The following OTUD4 variants were observed in gnomAD, a reference collection of about 807,000 sequenced individuals.
OTUD4 encodes the protein OTU domain-containing protein 4.
Under a neutral mutation model 130.4 loss-of-function variants are expected in OTUD4, and 24 were observed. That is an observed-to-expected ratio of 0.18 (90% CI 0.13 to 0.26). The LOEUF (loss-of-function observed/expected upper bound fraction) is 0.26. Among genes scored for constraint, OTUD4 ranks in the 10% least tolerant of loss-of-function variants. The pLI is 1.00. For synonymous variants in OTUD4, 420 were observed against 472.5 expected (o/e 0.89, Z 1.44); for missense variants, 1,031 against 1,329.4 (o/e 0.78, Z 3.49).
chr4:145,173,318 C>A (rs961877954), intron 2 of OTUD4, among the ~76,000 whole-genome samples: 6 of 151,932 alleles, frequency 3.9e-5, no homozygotes, highest in African/African-American at 1.5e-4. Context: ...GGCATGAACC[C>A]GGGAGGCGGA....
Position 145,134,704 on chromosome 4 carries a change from TG to T in OTUD4, c.*2725del, listed in dbSNP as rs1750153479. ...GTAAACAGTATGAGGACTACACAGA[TG>T]CCAGCATCCTGCTGCCAAGGAGACA... On this transcript the variant is annotated 3_prime_UTR_variant, in exon 21 of 21. Transcript: ENST00000447906. 2.5e-6 allele frequency: 1 copy of T among 398,826 alleles called. No homozygotes were observed. Among genetic ancestry groups the T allele is most frequent in the Non-Finnish European group, 4.4e-6 (1 of 226,000 alleles). The allele number at this position is 398,826 out of a possible 1,614,324, so 24.7% of individuals were successfully genotyped here.
chr4:145,158,143 A>C (rs932207250), intron 7 of OTUD4, among the ~76,000 whole-genome samples: 1 of 152,240 alleles, frequency 6.6e-6, no homozygotes, highest in African/African-American at 2.4e-5. Flanking sequence ...CCAAATTTTC[A>C]ATCAGGATCA....
rs577390722 is a variant in OTUD4, at chr4:145,146,493, A to G, written c.1260-64T>C. On this transcript the variant is annotated intron_variant, in intron 13 of 20. Coordinates refer to ENST00000447906, the MANE Select transcript of OTUD4 (RefSeq NM_001366057.1). ...AAATAAATAAATAAATAAATAAAAC[A>G]TTCTTGTCAAAAAAAAAAAACACAA... 6 of 966,122 alleles carry G rather than the reference A, an allele frequency of 6.2e-6. No individual in the cohort carries two copies. In the Admixed American group the frequency reaches 1.9e-4, roughly 30 times the overall value. The allele number at this position is 966,122 out of a possible 1,614,324, so 59.8% of individuals were successfully genotyped here.
intron 15 of OTUD4, 88 bp from the exon 16 acceptor site, chr4:145,144,089 A>G (rs1750710403): frequency 3.4e-6 from 4 of 1,184,954 alleles, no homozygotes; most frequent in Non-Finnish European, 4.9e-6. Flanking sequence ...AGAAGAAGCC[A>G]AAAGTATTAT....
chr4:145,180,263 A>C lies in OTUD4; in HGVS notation c.-290T>G, dbSNP rs1430131100. The C allele has an allele frequency of 1.3e-5, 2 of 154,948 alleles. No individual in the cohort carries two copies. The highest frequency in any genetic ancestry group is 2.9e-5 in the Non-Finnish European group (2 of 70,016). 9.6% of individuals were successfully genotyped at this position (154,948 alleles called of 1,614,324 possible). Reference sequence around the variant, plus strand: ...AGGAAAACCCCGAGAGTGAGTAGTCACTTCCCGACGGCCTCGCTGCCTGAC... The same window carrying C: ...AGGAAAACCCCGAGAGTGAGTAGTCCCTTCCCGACGGCCTCGCTGCCTGAC... On this transcript the variant is annotated 5_prime_UTR_variant, in exon 1 of 21. Coordinates refer to ENST00000447906, the MANE Select transcript of OTUD4 (RefSeq NM_001366057.1).
In OTUD4 at chr4:145,133,817, AAG is replaced by A. The variant is rs1750114834; in HGVS notation, c.*3611_*3612del. The A allele has an allele frequency of 6.6e-6, 1 of 152,618 alleles. No homozygotes were observed. The highest frequency in any genetic ancestry group is 2.4e-5 in the African/African-American group (1 of 41,452). 9.5% of individuals were successfully genotyped at this position (152,618 alleles called of 1,614,324 possible). ...CAGGAATATATTCAACACTTACAAA[AAG>A]TGATATGATAAAGAATATAAAGTAC... On this transcript the variant is annotated 3_prime_UTR_variant, in exon 21 of 21. Transcript: ENST00000447906.
In OTUD4 at chr4:145,179,818, CT is replaced by C. The variant is rs1752607398; in HGVS notation, c.155del (p.Glu52GlyfsTer32). On this transcript the variant is annotated frameshift_variant, in exon 1 of 21. Transcript: ENST00000447906. LOFTEE classifies it high-confidence loss of function. ...CTCCCCGCCCCCCCGCAATTACCTG[CT>C]CCGCCACGGCCCGGAACAGGCACGA... ...DGSCLFRAVA[E>X]QVLHSQSRHV... 7.4e-7 allele frequency: 1 copy of C among 1,345,574 alleles called. No individual in the cohort carries two copies. Among genetic ancestry groups the C allele is most frequent in the African/African-American group, 1.5e-5 (1 of 65,794 alleles). The allele number at this position is 1,345,574 out of a possible 1,614,324, so 83.4% of individuals were successfully genotyped here. A position where few individuals can be genotyped will look rare whatever the true frequency, so the allele number is the denominator to read the frequency against.
intron 15 of OTUD4, 102 bp from the exon 16 acceptor site, chr4:145,144,103 A>T: frequency 1.8e-6 from 2 of 1,118,648 alleles, no homozygotes; most frequent in Non-Finnish European, 2.7e-6. Context: ...GTATTATTTG[A>T]ACCATGTTTA....
At chr4:145,179,521 CA>C (rs1752586278) in intron 1 of OTUD4, 5 of 901,112 alleles carry the variant, frequency 5.5e-6, no homozygotes, top group Non-Finnish European at 5.7e-6. Flanking sequence ...AGGTCCCCAG[CA>C]ATAAATCAAC....
In OTUD4 at chr4:145,141,367, G is replaced by A. The variant is rs748368219; in HGVS notation, c.2083+12C>T. 6.4e-7 allele frequency: 1 copy of A among 1,566,536 alleles called. No homozygotes were observed. The highest frequency in any genetic ancestry group is 1.9e-5 in the Admixed American group (1 of 52,056). ...TTGATAAAGTCGATTTGAACTTGGA[G>A]AAGGAGCTCACCTTTAGGTAGGTCC... On this transcript the variant is annotated intron_variant, in intron 19 of 20. Transcript: ENST00000447906.
Position 145,144,365 on chromosome 4 carries a change from C to G in OTUD4, c.1492G>C (p.Gly498Arg). The G allele has an allele frequency of 6.2e-7, 1 of 1,612,146 alleles. No individual in the cohort carries two copies. The highest frequency in any genetic ancestry group is 8.5e-7 in the Non-Finnish European group (1 of 1,178,684). The part of the protein sequence containing the change: ...PCVQRKSSHV[G>R]DRKGSRRRMD... ...CTCCGCCTGCTTCCTTTTCTATCAC[C>G]TACATGTGATGATTTTCTCTGGACA... Residue 498 changes from glycine (G) to arginine (R), a missense_variant, in exon 15 of 21, where the codon GGT becomes CGT. This residue lies in a region of OTUD4 where 900 missense variants were observed against 1,095.9 expected (regional missense o/e 0.82). Coordinates refer to ENST00000447906, the MANE Select transcript of OTUD4 (RefSeq NM_001366057.1).
chr4:145,162,152 T>C (rs879454161), intron 6 of OTUD4, among the ~76,000 whole-genome samples: 1 of 152,104 alleles, frequency 6.6e-6, no homozygotes, highest in Non-Finnish European at 1.5e-5. Context: ...TTCCTCCTAC[T>C]GCAACAAGTT....
chr4:145,179,916 C>G lies in OTUD4; in HGVS notation c.58G>C (p.Glu20Gln), dbSNP rs748844227. The G allele has an allele frequency of 2.8e-5, 43 of 1,527,636 alleles. No individual in the cohort carries two copies. The South Asian group carries it at 4.2e-4, about 15-fold the overall frequency. 94.6% of individuals were successfully genotyped at this position (1,527,636 alleles called of 1,614,324 possible). A position where few individuals can be genotyped will look rare whatever the true frequency, so the allele number is the denominator to read the frequency against. The part of the protein sequence containing the change: ...GGDQGGAGPR[E>Q]DATPMDAYLR... ...TAGGCGTCCATGGGCGTCGCGTCCT[C>G]GCGGGGCCCCGCGCCGCCCTGGTCC... Residue 20 changes from glutamate (E) to glutamine (Q), a missense_variant, in exon 1 of 21, where the codon GAG becomes CAG. By Grantham distance (29) the Glu-to-Gln change is conservative. Coordinates refer to ENST00000447906, the MANE Select transcript of OTUD4 (RefSeq NM_001366057.1).
At chr4:145,161,870 T>C (rs1280903948) in intron 6 of OTUD4, among the ~76,000 whole-genome samples, 3 of 152,216 alleles carry the variant, frequency 2.0e-5, no homozygotes, top group African/African-American at 7.2e-5. Context: ...TTAAAATGCA[T>C]ATAAATCTTT....
At chr4:145,168,488 C>A (rs1270997311) in intron 3 of OTUD4, among the ~76,000 whole-genome samples, 1 of 145,430 alleles carries the variant, frequency 6.9e-6, no homozygotes. Flanking sequence ...ATATCCAATA[C>A]AGGACTTATA....
At chr4:145,170,018 C>T (rs1348452890) in intron 3 of OTUD4, among the ~76,000 whole-genome samples, 1 of 152,158 alleles carries the variant, frequency 6.6e-6, no homozygotes, top group African/African-American at 2.4e-5. Context: ...GAGAGGGGTA[C>T]AGGGAAAGTG....
intron 6 of OTUD4, among the ~76,000 whole-genome samples, chr4:145,160,762 G>A (rs1751520855): frequency 6.6e-6 from 1 of 152,150 alleles, no homozygotes. Flanking sequence ...GCAGTGAACT[G>A]AGATCATGCC....
Position 145,180,570 on chromosome 4 carries a change from C to T in OTUD4, c.-597G>A, listed in dbSNP as rs1752647493. 6.6e-6 allele frequency among the ~76,000 whole-genome samples: 1 copy of T among 152,208 alleles called. No individual in the cohort carries two copies. On this transcript the variant is annotated 5_prime_UTR_variant, in exon 1 of 21. Coordinates refer to ENST00000447906, the MANE Select transcript of OTUD4 (RefSeq NM_001366057.1). The stretch of plus-strand genomic sequence containing the variant: ...CCCAGAATTTGTTTTCGCTTTCGGC[C>T]CGACAGCGGAGAGGACGGCGGGAGA...
chr4:145,146,511 A>T, intron 13 of OTUD4, 82 bp from the exon 14 acceptor site: 1 of 915,716 alleles, frequency 1.1e-6, no homozygotes, highest in Non-Finnish European at 1.5e-6. Context: ...CAAAAAAAAA[A>T]AACACAAAAC....
Sources: allele counts gnomAD v4.1 joint callset (sites outside exome capture counted in the v4.1 genomes callset), GRCh38; gene constraint gnomAD v4.1.1; regional missense constraint gnomAD v4.1.1; transcripts MANE v1.5; gene names NCBI Gene and HGNC (gene_info 2026-07-23, HGNC 2026-07-21).